DGKB: variants seen among roughly 807,000 people sequenced by gnomAD.
The protein encoded by DGKB is 90 kDa diacylglycerol kinase.
Under a neutral mutation model 114.3 loss-of-function variants are expected in DGKB, and 67 were observed. The ratio of observed to expected loss-of-function variants is 0.59; its 90% CI spans 0.48 to 0.72. The LOEUF (loss-of-function observed/expected upper bound fraction) is 0.72, where lower values mean the gene tolerates loss of function less well. Among genes scored for constraint, DGKB ranks in the 30% least tolerant of loss-of-function variants. The pLI is 0.00. For synonymous variants in DGKB, 398 were observed against 323.1 expected (o/e 1.23, Z -2.49); for missense variants, 907 against 975.2 (o/e 0.93, Z 0.93).
intron 20 of DGKB, among the ~76,000 whole-genome samples, chr7:14,517,123 A>G (rs1048761693): frequency 1.3e-5 from 2 of 152,126 alleles, no homozygotes; most frequent in African/African-American, 4.8e-5. Flanking sequence ...TAGAAATGGA[A>G]TGAAAATAGA....
chr7:14,843,655 G>A (rs555105832), intron 1 of DGKB, among the ~76,000 whole-genome samples: 1 of 152,144 alleles, frequency 6.6e-6, no homozygotes, highest in Non-Finnish European at 1.5e-5. Context: ...TTAAAGTCAA[G>A]GATTAAGTGA....
At chr7:14,197,370 G>T (rs1414093743) in intron 23 of DGKB, among the ~76,000 whole-genome samples, 1 of 151,696 alleles carries the variant, frequency 6.6e-6, no homozygotes. Context: ...TTCTATGAAA[G>T]AAGACTAAAC....
At chr7:14,693,781 G>A (rs4719417) in intron 9 of DGKB, among the ~76,000 whole-genome samples, 60,187 of 151,692 alleles carry the variant, frequency 0.4, 14,303 homozygotes, top group East Asian at 0.87. Flanking sequence ...TAGATAATAT[G>A]AGGAGGTCAG....
chr7:14,560,916 C>T (rs150120833), intron 20 of DGKB, among the ~76,000 whole-genome samples: 51 of 152,182 alleles, frequency 3.4e-4, no homozygotes, highest in African/African-American at 1.2e-3. Flanking sequence ...TCTCGTTGTG[C>T]TTTTGATGTG....
At chr7:14,952,427 A>G (rs1415561349) in intron 1 of DGKB, among the ~76,000 whole-genome samples, 1 of 152,062 alleles carries the variant, frequency 6.6e-6, no homozygotes, top group Non-Finnish European at 1.5e-5. Flanking sequence ...GATCTACAGA[A>G]TCACTGACAT....
At chr7:14,562,901 G>C (rs1401370661) in intron 20 of DGKB, among the ~76,000 whole-genome samples, 1 of 152,154 alleles carries the variant, frequency 6.6e-6, no homozygotes, top group Non-Finnish European at 1.5e-5. Context: ...GTGAGGATAG[G>C]AGATTTGGGA....
chr7:14,528,006 AG>A (rs1470278134), intron 20 of DGKB, among the ~76,000 whole-genome samples: 2 of 152,120 alleles, frequency 1.3e-5, no homozygotes, highest in African/African-American at 2.4e-5. Flanking sequence ...ATGGTTTGTT[AG>A]TACCCAAAAA....
At chr7:14,860,639 G>A (rs575078804) in intron 1 of DGKB, among the ~76,000 whole-genome samples, 1 of 151,978 alleles carries the variant, frequency 6.6e-6, no homozygotes, top group African/African-American at 2.4e-5. Context: ...TTTATCTAGA[G>A]AAAAATTTTA....
chr7:14,208,847 TAAAC>T (rs1176382292), intron 23 of DGKB, among the ~76,000 whole-genome samples: 1 of 151,452 alleles, frequency 6.6e-6, no homozygotes, highest in East Asian at 2.0e-4. Context: ...TTGTTAGAAA[TAAAC>T]AAAAGAATAT....
intron 17 of DGKB, among the ~76,000 whole-genome samples, chr7:14,589,590 A>G (rs1801343438): frequency 6.6e-6 from 1 of 151,576 alleles, no homozygotes; most frequent in Non-Finnish European, 1.5e-5. Context: ...TTTCTCTTCT[A>G]CTCCTATCAT....
chr7:14,728,644 A>G (rs1830373334), intron 5 of DGKB, among the ~76,000 whole-genome samples: 2 of 151,912 alleles, frequency 1.3e-5, no homozygotes, highest in South Asian at 4.1e-4. Flanking sequence ...GTTTAAGTGA[A>G]TCATGAGGAT....
At chr7:14,219,051 C>A (rs1343251003) in intron 23 of DGKB, among the ~76,000 whole-genome samples, 1 of 151,922 alleles carries the variant, frequency 6.6e-6, no homozygotes, top group Non-Finnish European at 1.5e-5. Context: ...TTCCTTCTTT[C>A]ACTTAGCATG....
chr7:14,329,509 T>G (rs755999419), intron 23 of DGKB, among the ~76,000 whole-genome samples: 2 of 151,962 alleles, frequency 1.3e-5, no homozygotes, highest in Non-Finnish European at 2.9e-5. Flanking sequence ...GAAAATGGTT[T>G]TTAATATCAA....
At chr7:14,830,933 G>C (rs796862867) in intron 2 of DGKB, among the ~76,000 whole-genome samples, 2 of 152,048 alleles carry the variant, frequency 1.3e-5, no homozygotes, top group African/African-American at 4.8e-5. Context: ...GTGTGCATGT[G>C]TGCATGTATG....
intron 20 of DGKB, among the ~76,000 whole-genome samples, chr7:14,515,404 T>G (rs1055847178): frequency 6.6e-6 from 1 of 152,228 alleles, no homozygotes; most frequent in African/African-American, 2.4e-5. Flanking sequence ...GGATTGTATC[T>G]CTGATGTCCT....
intron 17 of DGKB, among the ~76,000 whole-genome samples, chr7:14,589,566 A>C (rs1801340385): frequency 6.6e-6 from 1 of 151,712 alleles, no homozygotes; most frequent in South Asian, 2.1e-4. Context: ...GAGATTTTTT[A>C]TGAGGTTAAC....
At chr7:14,870,498 T>C (rs1004385237) in intron 1 of DGKB, among the ~76,000 whole-genome samples, 2 of 152,180 alleles carry the variant, frequency 1.3e-5, no homozygotes, top group Non-Finnish European at 2.9e-5. Flanking sequence ...ATATTTTACT[T>C]TAAATTAACA....
chr7:14,968,124 A>C (rs1461013894), intron 1 of DGKB, among the ~76,000 whole-genome samples: 1 of 152,032 alleles, frequency 6.6e-6, no homozygotes, highest in Non-Finnish European at 1.5e-5. Flanking sequence ...GATCCTCTTT[A>C]CATCTTTTTA....
intron 1 of DGKB, among the ~76,000 whole-genome samples, chr7:14,961,481 G>A (rs1229209286): frequency 6.6e-6 from 1 of 152,060 alleles, no homozygotes; most frequent in Non-Finnish European, 1.5e-5. Flanking sequence ...GCTGACATGT[G>A]GCAGTCAGGG....
Sources: gnomAD v4.1 joint callset for allele counts (sites outside exome capture counted in the v4.1 genomes callset) on GRCh38, gnomAD v4.1.1 for gene constraint, MANE v1.5 for transcripts, NCBI Gene and HGNC (gene_info 2026-07-23, HGNC 2026-07-21) for gene names.